The following LYSMD3 variants were observed in gnomAD, a reference collection of about 807,000 sequenced individuals.
The protein encoded by LYSMD3 is lysM and putative peptidoglycan-binding domain-containing protein 3.
A neutral mutation model predicts 26.1 loss-of-function variants in LYSMD3; 13 were observed. The observed-to-expected ratio is 0.50, with a 90% confidence interval of 0.32 to 0.79. The LOEUF (loss-of-function observed/expected upper bound fraction) is 0.79, where lower values mean the gene tolerates loss of function less well. LYSMD3 is among the 30% of genes least tolerant of loss of function. The pLI, the probability that LYSMD3 is intolerant of heterozygous loss-of-function variation, is 0.03. For synonymous variants in LYSMD3, 109 were observed against 119.4 expected (o/e 0.91, Z 0.57); for missense variants, 331 against 362.5 (o/e 0.91, Z 0.71).
chr5:90,518,989 G>A lies in LYSMD3; in HGVS notation c.751C>T (p.His251Tyr), dbSNP rs1196692072. The A allele has an allele frequency of 3.1e-6, 5 of 1,614,028 alleles. No homozygotes were observed. Among genetic ancestry groups the A allele is most frequent in the Non-Finnish European group, 4.2e-6 (5 of 1,179,954 alleles). Reference protein sequence around the residue: ...EILAKVDVSHHSTVDSSHLHS... With the variant: ...EILAKVDVSHYSTVDSSHLHS... ...AAATGTGAAGAGTCCACTGTTGAAT[G>A]ATGACTAACATCCACCTTAGCTAAA... Residue 251 changes from histidine (H) to tyrosine (Y), a missense_variant, in exon 3 of 3, where the codon CAT becomes TAT. Coordinates refer to ENST00000315948, the MANE Select transcript of LYSMD3 (RefSeq NM_198273.2).
rs1752944807 is a variant in LYSMD3 at position 90,516,278 on chromosome 5, AAG to A, written c.*2539_*2540del. ...ATAACTTCCTAGGAGTGAGATAGCA[AAG>A]AAATTTTATTTTAACCGAGACTTCA... On this transcript the variant is annotated 3_prime_UTR_variant, in exon 3 of 3. Coordinates refer to ENST00000315948, the MANE Select transcript of LYSMD3 (RefSeq NM_198273.2). 6.6e-6 allele frequency: 1 copy of A among 152,080 alleles called. No homozygotes were observed. Among genetic ancestry groups the A allele is most frequent in the African/African-American group, 2.4e-5 (1 of 41,444 alleles). 9.4% of individuals were successfully genotyped at this position (152,080 alleles called of 1,614,324 possible).
Position 90,519,307 on chromosome 5 carries a change from A to G in LYSMD3, c.433T>C (p.Leu145=). The change falls in exon 3 of 3, where the codon TTG becomes CTG. Residue 145 remains leucine, a synonymous_variant. Transcript: ENST00000315948. ...TAAGCAAGAGAATCATTAGCTGGCA[A>G]AATTTCCTGTTGTTCGGAAGAGTAT... ...VQYSSEQQEI[L]PANDSLAYSD... 2.5e-6 allele frequency: 4 copies of G among 1,614,098 alleles called. No homozygotes were observed. The highest frequency in any genetic ancestry group is 3.4e-6 in the Non-Finnish European group (4 of 1,179,996).
At position 90,518,790 on chromosome 5, in the gene LYSMD3, A is replaced by ACCTGC; in HGVS notation, c.*28_*29insGCAGG. On this transcript the variant is annotated 3_prime_UTR_variant, in exon 3 of 3. Coordinates refer to ENST00000315948, the MANE Select transcript of LYSMD3 (RefSeq NM_198273.2). The stretch of plus-strand genomic sequence containing the variant: ...TCACCACATTCCAGATGCACATGTG[A>ACCTGC]CCACTAACATTTGATTATGAGCTAA... 1 of 1,587,176 alleles carries ACCTGC rather than the reference A, an allele frequency of 6.3e-7. No individual in the cohort carries two copies. Among genetic ancestry groups the ACCTGC allele is most frequent in the Non-Finnish European group, 8.6e-7 (1 of 1,164,466 alleles).
At chr5:90,520,331 C>G in intron 2 of LYSMD3, 1 of 450,408 alleles carries the variant, frequency 2.2e-6, no homozygotes, top group Non-Finnish European at 4.5e-6. Flanking sequence ...CCATTCATTT[C>G]CATCAATACT....
chr5:90,529,311 G>A, intron 1 of LYSMD3, 137 bp downstream of exon 1: 1 of 433,834 alleles, frequency 2.3e-6, no homozygotes, highest in Non-Finnish European at 4.6e-6. Context: ...GGGGGTGTCC[G>A]CCACACGGGC....
At chr5:90,529,045 T>C (rs1682502028) in intron 1 of LYSMD3, among the ~76,000 whole-genome samples, 1 of 146,210 alleles carries the variant, frequency 6.8e-6, no homozygotes, top group Non-Finnish European at 1.5e-5. Context: ...ACGTCAAGTT[T>C]TTCTTTCCCT....
chr5:90,527,314 G>A (rs1008110811), intron 1 of LYSMD3, among the ~76,000 whole-genome samples: 1 of 151,816 alleles, frequency 6.6e-6, no homozygotes, highest in Admixed American at 6.6e-5. Context: ...CACAACTGAC[G>A]TTTCAGATTT....
At chr5:90,524,795 T>C (rs983223092) in intron 2 of LYSMD3, among the ~76,000 whole-genome samples, 1 of 152,112 alleles carries the variant, frequency 6.6e-6, no homozygotes, top group Non-Finnish European at 1.5e-5. Context: ...GGTTTCACTG[T>C]GTTAGCTAGG....
At chr5:90,528,944 C>T (rs1753289779) in intron 1 of LYSMD3, among the ~76,000 whole-genome samples, 1 of 152,170 alleles carries the variant, frequency 6.6e-6, no homozygotes, top group Admixed American at 6.5e-5. Context: ...CAAGTTAAAG[C>T]TGCAAAGGGA....
rs1262652415 is a variant in LYSMD3 at position 90,518,846 on chromosome 5, C to CT, written c.893dup (p.Ser299ValfsTer14). 1.9e-6 allele frequency: 3 copies of CT among 1,613,148 alleles called. No homozygotes were observed. Among genetic ancestry groups the CT allele is most frequent in the Non-Finnish European group, 1.7e-6 (2 of 1,179,600 alleles). On this transcript the variant is annotated frameshift_variant, in exon 3 of 3. Coordinates refer to ENST00000315948, the MANE Select transcript of LYSMD3 (RefSeq NM_198273.2). LOFTEE classifies it high-confidence loss of function. ...ATGTTTCCTGTTGAGCAGCAGGTGA[C>CT]TGAGAATCTTGACTATACAGTTTAT... is the stretch of plus-strand genomic sequence containing the variant.
At chr5:90,525,481 A>T (rs911556362) in intron 1 of LYSMD3, among the ~76,000 whole-genome samples, 181 bp from the exon 2 acceptor site, 1 of 151,914 alleles carries the variant, frequency 6.6e-6, no homozygotes, top group Non-Finnish European at 1.5e-5. Context: ...ATGGAGTCTC[A>T]CTCTGTCACC....
chr5:90,519,197 G>A lies in LYSMD3; in HGVS notation c.543C>T (p.Asn181=). The part of the protein sequence containing the change: ...IVKCTDNKRE[N]LNEVVSALTA... ...TTAAGGCCGATACTACCTCATTGAGGTTCTCTCTCTTATTGTCTGTACACT... is the reference window on the plus strand; with the variant it reads ...TTAAGGCCGATACTACCTCATTGAGATTCTCTCTCTTATTGTCTGTACACT... The change falls in exon 3 of 3, where the codon AAC becomes AAT. Residue 181 remains asparagine, a synonymous_variant. Coordinates refer to ENST00000315948, the MANE Select transcript of LYSMD3 (RefSeq NM_198273.2). The A allele has an allele frequency of 1.9e-6, 3 of 1,613,940 alleles. No homozygotes were observed. The highest frequency in any genetic ancestry group is 2.5e-6 in the Non-Finnish European group (3 of 1,179,972).
chr5:90,519,613 A>G, intron 2 of LYSMD3, 129 bp from the exon 3 acceptor site: 1 of 885,406 alleles, frequency 1.1e-6, no homozygotes, highest in Non-Finnish European at 1.7e-6. Flanking sequence ...AGTTGCACCC[A>G]GAGAAATTTT....
At chr5:90,520,583 G>C (rs960841271) in intron 2 of LYSMD3, 12 of 441,206 alleles carry the variant, frequency 2.7e-5, no homozygotes, top group Middle Eastern at 6.6e-4. Context: ...ACTCAAGAAC[G>C]ATCTCGGCTA....
Position 90,518,997 on chromosome 5 carries a change from A to T in LYSMD3, c.743T>A (p.Val248Asp). The change falls in exon 3 of 3, where the codon GTT becomes GAT. Residue 248 changes from valine to aspartate, a missense_variant. By Grantham distance (152) the Val-to-Asp change is radical. Transcript: ENST00000315948. ...LYYEILAKVD[V>D]SHHSTVDSSH... is the part of the protein sequence containing the mutation. ...AGAGTCCACTGTTGAATGATGACTA[A>T]CATCCACCTTAGCTAAAATTTCATA... The T allele has an allele frequency of 6.2e-7, 1 of 1,614,072 alleles. No individual in the cohort carries two copies. The highest frequency in any genetic ancestry group is 1.3e-5 in the African/African-American group (1 of 75,026).
chr5:90,518,620 C>T lies in LYSMD3; in HGVS notation c.*199G>A, dbSNP rs968428424. 3 of 476,228 alleles carry T rather than the reference C, an allele frequency of 6.3e-6. No individual in the cohort carries two copies. The highest frequency in any genetic ancestry group is 1.1e-5 in the Non-Finnish European group (3 of 272,106). The allele number at this position is 476,228 out of a possible 1,614,324, so 29.5% of individuals were successfully genotyped here. A position where few individuals can be genotyped will look rare whatever the true frequency, so the allele number is the denominator to read the frequency against. On this transcript the variant is annotated 3_prime_UTR_variant, in exon 3 of 3. Transcript: ENST00000315948. ...TTAATTTCTGCTTGAAACATTCACACACCAGATTTATGGATCAACTGCTCT... is the reference window on the plus strand; with the variant it reads ...TTAATTTCTGCTTGAAACATTCACATACCAGATTTATGGATCAACTGCTCT...
At chr5:90,524,621 C>A (rs1323079607) in intron 2 of LYSMD3, among the ~76,000 whole-genome samples, 2 of 152,196 alleles carry the variant, frequency 1.3e-5, no homozygotes, top group Admixed American at 1.3e-4. Context: ...GAGACGGAGT[C>A]TCGCTCGGTC....
intron 1 of LYSMD3, among the ~76,000 whole-genome samples, chr5:90,526,408 T>C (rs147640050): frequency 1.6e-4 from 24 of 152,332 alleles, no homozygotes; most frequent in African/African-American, 4.1e-4. Context: ...AAAACAGGCA[T>C]CAATGAATAC....
intron 2 of LYSMD3, 84 bp from the exon 3 acceptor site, chr5:90,519,568 G>A: frequency 2.9e-6 from 4 of 1,372,976 alleles, no homozygotes; most frequent in Non-Finnish European, 2.9e-6. Flanking sequence ...AGTTACTTTT[G>A]GAGGAAAAAA....
Sources: gnomAD v4.1 joint callset for allele counts (sites outside exome capture counted in the v4.1 genomes callset) on GRCh38, gnomAD v4.1.1 for gene constraint, MANE v1.5 for transcripts, NCBI Gene and HGNC (gene_info 2026-07-23, HGNC 2026-07-21) for gene names.